DOCK4: variants seen among roughly 807,000 people sequenced by gnomAD.
DOCK4 encodes the protein dedicator of cytokinesis protein 4.
A neutral mutation model predicts 268.1 loss-of-function variants in DOCK4; 97 were observed. The ratio of observed to expected loss-of-function variants is 0.36; its 90% CI spans 0.31 to 0.43. The LOEUF is 0.43. Among genes scored for constraint, DOCK4 ranks in the 20% least tolerant of loss-of-function variants. The pLI is 1.00. For synonymous variants in DOCK4, 954 were observed against 887.2 expected (o/e 1.08, Z -1.34); for missense variants, 2,145 against 2,455.7 (o/e 0.87, Z 2.67).
intron 36 of DOCK4, among the ~76,000 whole-genome samples, chr7:111,772,900 C>T (rs965946646): frequency 1.3e-5 from 2 of 152,230 alleles, no homozygotes; most frequent in Middle Eastern, 3.4e-3. Context: ...CTGGGATGGG[C>T]GGAATGCCAG....
chr7:112,161,444 A>G (rs1441531028), intron 1 of DOCK4, among the ~76,000 whole-genome samples: 2 of 152,212 alleles, frequency 1.3e-5, no homozygotes, highest in African/African-American at 2.4e-5. Context: ...AAAACCTAAT[A>G]GAAAGCTACA....
chr7:111,830,202 C>G (rs142703789), intron 26 of DOCK4, among the ~76,000 whole-genome samples: 1 of 151,970 alleles, frequency 6.6e-6, no homozygotes, highest in East Asian at 1.9e-4. Flanking sequence ...CTGAGGTGGA[C>G]GGATCACAAG....
intron 1 of DOCK4, among the ~76,000 whole-genome samples, chr7:112,058,662 T>C (rs1806072444): frequency 6.6e-6 from 1 of 152,198 alleles, no homozygotes. Flanking sequence ...GTGGGTTTGT[T>C]TGCTGTCTTA....
chr7:111,961,758 C>T (rs1295084190), intron 8 of DOCK4, among the ~76,000 whole-genome samples: 3 of 152,104 alleles, frequency 2.0e-5, no homozygotes, highest in African/African-American at 4.8e-5. Context: ...TTGTCAAGTA[C>T]ATTATGAAAA....
intron 1 of DOCK4, among the ~76,000 whole-genome samples, chr7:112,195,261 A>C (rs1820318419): frequency 6.6e-6 from 1 of 152,244 alleles, no homozygotes; most frequent in African/African-American, 2.4e-5. Context: ...CCTGGGCAAC[A>C]GAATGAGACT....
intron 2 of DOCK4, among the ~76,000 whole-genome samples, chr7:112,003,073 GA>G (rs1198632348): frequency 1.4e-5 from 2 of 147,584 alleles, no homozygotes; most frequent in Middle Eastern, 3.3e-3. Context: ...AAAGGAAACA[GA>G]AAAAAAGAAA....
chr7:111,869,962 C>G (rs1237218431), intron 20 of DOCK4, among the ~76,000 whole-genome samples: 1 of 152,150 alleles, frequency 6.6e-6, no homozygotes, highest in African/African-American at 2.4e-5. Flanking sequence ...AAGTGCCTGG[C>G]AGTGTGAGTG....
intron 1 of DOCK4, among the ~76,000 whole-genome samples, chr7:112,036,940 C>T (rs1399249805): frequency 1.3e-5 from 2 of 152,134 alleles, no homozygotes; most frequent in Admixed American, 6.5e-5. Context: ...GGATTACAAG[C>T]GTGAGCCACC....
At chr7:111,923,879 G>A (rs534374477) in intron 12 of DOCK4, among the ~76,000 whole-genome samples, 25 of 152,068 alleles carry the variant, frequency 1.6e-4, no homozygotes, top group Non-Finnish European at 1.0e-4. Context: ...AACTATGCTC[G>A]TTTGCTATTT....
At chr7:111,872,422 T>A in intron 18 of DOCK4, 45 bp downstream of exon 18, 1 of 1,536,312 alleles carries the variant, frequency 6.5e-7, no homozygotes, top group Non-Finnish European at 8.8e-7. Flanking sequence ...ATGTTCTTTA[T>A]TCTATGAATC....
At chr7:112,099,303 A>G (rs1810455843) in intron 1 of DOCK4, among the ~76,000 whole-genome samples, 1 of 151,414 alleles carries the variant, frequency 6.6e-6, no homozygotes, top group South Asian at 2.1e-4. Flanking sequence ...GATTTAAAAA[A>G]AAAAAAAAAA....
At chr7:112,029,185 A>G (rs575168434) in intron 1 of DOCK4, among the ~76,000 whole-genome samples, 1 of 152,270 alleles carries the variant, frequency 6.6e-6, no homozygotes, top group South Asian at 2.1e-4. Flanking sequence ...ACACATCCTG[A>G]TAAGTTAATC....
rs572540694 is a variant in DOCK4 at position 111,728,027 on chromosome 7, T to C, written c.*247A>G. The C allele has an allele frequency of 5.6e-5, 22 of 390,078 alleles. No individual in the cohort carries two copies. In the South Asian group the frequency reaches 3.0e-3, roughly 53 times the overall value. 24.2% of individuals were successfully genotyped at this position (390,078 alleles called of 1,614,324 possible). On this transcript the variant is annotated 3_prime_UTR_variant, in exon 53 of 53. Transcript: ENST00000428084. ...CATAAAAAGGTACAAAAGGAGTCTTTATCACTATTTACCACTTCCAAATGA... is the reference window on the plus strand; with the variant it reads ...CATAAAAAGGTACAAAAGGAGTCTTCATCACTATTTACCACTTCCAAATGA...
In DOCK4 at chr7:112,011,578, C is replaced by A. The variant is rs145968494; in HGVS notation, c.38-7447G>T. ...AGAGGCAAACAAGGAAGAGAATTAA[C>A]AACATCAGGAGGGAATTTTTCCACA... On this transcript the variant is annotated intron_variant, in intron 1 of 52. Coordinates refer to ENST00000428084, the MANE Select transcript of DOCK4 (RefSeq NM_001363540.2). 2.1e-4 allele frequency among the ~76,000 whole-genome samples: 32 copies of A among 151,242 alleles called. No individual in the cohort carries two copies. In the East Asian group the frequency reaches 5.8e-3, roughly 27 times the overall value.
rs754698617 is a variant in DOCK4 at position 111,863,411 on chromosome 7, T to C, written c.2434A>G (p.Ile812Val). 3.1e-6 allele frequency: 5 copies of C among 1,613,920 alleles called. No individual in the cohort carries two copies. Among genetic ancestry groups the C allele is most frequent in the African/African-American group, 2.7e-5 (2 of 74,928 alleles). The stretch of plus-strand genomic sequence containing the variant: ...AGCTGGCTTTCCACGGTTTTGCCAA[T>C]GCACTGCAGTTTGATGGCCTGCAGG... Reference protein sequence around the residue: ...DSLQAIKLQCIGKTVESQLYT... With the variant: ...DSLQAIKLQCVGKTVESQLYT... Residue 812 changes from isoleucine (I) to valine (V), a missense_variant, in exon 23 of 53, where the codon ATT (isoleucine) becomes GTT (valine). Ile to Val is a conservative substitution (Grantham distance 29). Transcript: ENST00000428084.
At chr7:111,732,382 T>C in intron 51 of DOCK4, 95 bp from the exon 52 acceptor site, 1 of 1,309,164 alleles carries the variant, frequency 7.6e-7, no homozygotes, top group East Asian at 2.3e-5. Context: ...AAACAGATGA[T>C]CCAGTGCATA....
chr7:111,868,734 A>T (rs971101689), intron 21 of DOCK4, among the ~76,000 whole-genome samples: 11 of 152,144 alleles, frequency 7.2e-5, no homozygotes, highest in South Asian at 4.2e-4. Context: ...AAAAAAAAAA[A>T]TTTTATCATT....
chr7:111,991,679 G>C (rs1347198547), intron 5 of DOCK4, among the ~76,000 whole-genome samples: 1 of 151,940 alleles, frequency 6.6e-6, no homozygotes, highest in Non-Finnish European at 1.5e-5. Flanking sequence ...AAAGTGCCTG[G>C]CGCTGGGCGA....
rs1476774057 is a variant in DOCK4 at position 111,808,673 on chromosome 7, A to G, written c.3166+148T>C. ...ATTTGTTGTAACCTCATTCAATGCC[A>G]AAGTGTCAATTACTTTCTATAGATG... is the stretch of plus-strand genomic sequence containing the variant. On this transcript the variant is annotated intron_variant, in intron 30 of 52. Coordinates refer to ENST00000428084, the MANE Select transcript of DOCK4 (RefSeq NM_001363540.2). 2.8e-5 allele frequency: 21 copies of G among 749,644 alleles called. 1 individual carries two copies. The highest frequency in any genetic ancestry group is 2.5e-4 in the South Asian group (11 of 43,550). 46.4% of individuals were successfully genotyped at this position (749,644 alleles called of 1,614,324 possible).
Sources: gnomAD v4.1 joint callset for allele counts (sites outside exome capture counted in the v4.1 genomes callset) on GRCh38, gnomAD v4.1.1 for gene constraint, MANE v1.5 for transcripts, NCBI Gene and HGNC (gene_info 2026-07-23, HGNC 2026-07-21) for gene names.